The following ADAM29 variants were observed in gnomAD, a reference collection of about 807,000 sequenced individuals.
The protein encoded by ADAM29 is disintegrin and metalloproteinase domain-containing protein 29.
For missense variants in ADAM29, 969 were observed against 1,001.8 expected (o/e 0.97, Z 0.44); for synonymous variants, 367 against 342.3 (o/e 1.07, Z -0.80).
intron 4 of ADAM29, among the ~76,000 whole-genome samples, chr4:174,967,270 G>T (rs1237965070): frequency 6.6e-6 from 1 of 151,892 alleles, no homozygotes; most frequent in East Asian, 1.9e-4. Context: ...ATGTAAACTT[G>T]TTCATCTCAA....
At chr4:174,943,556 A>G (rs1218606104) in intron 4 of ADAM29, among the ~76,000 whole-genome samples, 1 of 152,118 alleles carries the variant, frequency 6.6e-6, no homozygotes, top group Admixed American at 6.6e-5. Context: ...TCCATCAACC[A>G]TCAGGTCTCT....
rs1746980605 is a variant in ADAM29, at chr4:174,977,866, G to T, written c.2341G>T (p.Val781Leu). The T allele has an allele frequency of 6.3e-7, 1 of 1,586,898 alleles. No individual in the cohort carries two copies. The highest frequency in any genetic ancestry group is 8.6e-7 in the Non-Finnish European group (1 of 1,165,600). Reference protein sequence around the residue: ...RVMPSQSQPPVMPSQSHPQLT... With the variant: ...RVMPSQSQPPLMPSQSHPQLT... ...GATGCCTTCTCAGAGTCAACCTCCTGTGATGCCTTCCCAGAGTCATCCTCA... is the reference window on the plus strand; with the variant it reads ...GATGCCTTCTCAGAGTCAACCTCCTTTGATGCCTTCCCAGAGTCATCCTCA... Residue 781 changes from valine to leucine, a missense_variant, in exon 5 of 5, where the codon GTG (valine) becomes TTG (leucine). Transcript: ENST00000359240.
chr4:174,961,951 T>G (rs897948168), intron 4 of ADAM29, among the ~76,000 whole-genome samples: 3 of 152,224 alleles, frequency 2.0e-5, no homozygotes, highest in African/African-American at 7.2e-5. Flanking sequence ...TGTTCTGTAT[T>G]TTTTCTTTCT....
intron 4 of ADAM29, among the ~76,000 whole-genome samples, chr4:174,961,897 T>A (rs1406810952): frequency 6.6e-6 from 1 of 152,190 alleles, no homozygotes; most frequent in Non-Finnish European, 1.5e-5. Flanking sequence ...ACACTTTCTG[T>A]CTTTAAGAAT....
At chr4:174,957,480 T>G (rs1394575275) in intron 4 of ADAM29, among the ~76,000 whole-genome samples, 1 of 151,812 alleles carries the variant, frequency 6.6e-6, no homozygotes, top group African/African-American at 2.4e-5. Flanking sequence ...GCCCTAAAAC[T>G]TACCATTTCA....
chr4:174,970,820 G>A (rs765912335), intron 4 of ADAM29, among the ~76,000 whole-genome samples: 1 of 152,090 alleles, frequency 6.6e-6, no homozygotes, highest in Non-Finnish European at 1.5e-5. Flanking sequence ...TGTGGCATCT[G>A]TAGTAATGTT....
Position 174,925,796 on chromosome 4 carries a change from G to T in ADAM29, c.-451+5004G>T, listed in dbSNP as rs562601068. On this transcript the variant is annotated intron_variant, in intron 2 of 4. Coordinates refer to ENST00000359240, the MANE Select transcript of ADAM29 (RefSeq NM_014269.4). ...CCAGACAGAAGATAAAATGCTAGAT[G>T]AAAATTGATGATAATAATTGCTTGA... is the stretch of plus-strand genomic sequence containing the variant. Among the ~76,000 whole-genome samples the T allele has an allele frequency of 2.0e-5, 3 of 152,324 alleles. No homozygotes were observed. In the South Asian group the frequency reaches 6.2e-4, roughly 32 times the overall value.
intron 4 of ADAM29, among the ~76,000 whole-genome samples, chr4:174,955,017 TAAATGAAA>T (rs1745417990): frequency 6.6e-6 from 1 of 152,132 alleles, no homozygotes; most frequent in African/African-American, 2.4e-5. Flanking sequence ...ATAAAGATTT[TAAATGAAA>T]AAATAAACAG....
At chr4:174,949,917 T>C (rs1264630438) in intron 4 of ADAM29, among the ~76,000 whole-genome samples, 3 of 152,192 alleles carry the variant, frequency 2.0e-5, no homozygotes, top group Non-Finnish European at 4.4e-5. Context: ...AAAATCCTTG[T>C]CTATGGATTA....
chr4:174,965,376 C>G (rs1193877631), intron 4 of ADAM29, among the ~76,000 whole-genome samples: 1 of 152,050 alleles, frequency 6.6e-6, no homozygotes, highest in Non-Finnish European at 1.5e-5. Flanking sequence ...AGGTCTACCC[C>G]CATGATCTGA....
intron 2 of ADAM29, among the ~76,000 whole-genome samples, chr4:174,921,644 T>C (rs1023576168): frequency 6.6e-6 from 1 of 152,180 alleles, no homozygotes; most frequent in Non-Finnish European, 1.5e-5. Context: ...CACATATATT[T>C]TGATCCATCA....
intron 4 of ADAM29, among the ~76,000 whole-genome samples, chr4:174,968,617 T>C (rs879745906): frequency 6.6e-6 from 1 of 152,230 alleles, no homozygotes; most frequent in Non-Finnish European, 1.5e-5. Flanking sequence ...ATTCATGTCA[T>C]GTTCTATTCT....
intron 4 of ADAM29, among the ~76,000 whole-genome samples, chr4:174,949,214 C>T (rs1402857093): frequency 1.3e-5 from 2 of 152,062 alleles, no homozygotes; most frequent in African/African-American, 2.4e-5. Context: ...ATCCCATGGG[C>T]GTGACTGCTC....
chr4:174,922,945 A>G (rs1743250189), intron 2 of ADAM29, among the ~76,000 whole-genome samples: 1 of 152,170 alleles, frequency 6.6e-6, no homozygotes, highest in African/African-American at 2.4e-5. Flanking sequence ...TTACACATCA[A>G]CCCAAAAGAA....
intron 4 of ADAM29, among the ~76,000 whole-genome samples, chr4:174,966,441 C>T (rs1746164614): frequency 6.6e-6 from 1 of 152,090 alleles, no homozygotes; most frequent in African/African-American, 2.4e-5. Context: ...ATCCCTCCAG[C>T]TATGAAACTG....
intron 4 of ADAM29, among the ~76,000 whole-genome samples, chr4:174,954,939 T>A (rs1225041700): frequency 6.6e-6 from 1 of 152,196 alleles, no homozygotes; most frequent in Admixed American, 6.5e-5. Flanking sequence ...GTCATTTTTA[T>A]AATCACTTAA....
rs544235979 is a variant in ADAM29, at chr4:174,958,184, C to T, written c.-180-17162C>T. ...AATTTGATAAAATGGATCAATACTG[C>T]TCTTCATTTCAACCATATCCTTGTT... On this transcript the variant is annotated intron_variant, in intron 4 of 4. Coordinates refer to ENST00000359240, the MANE Select transcript of ADAM29 (RefSeq NM_014269.4). 1.8e-4 allele frequency among the ~76,000 whole-genome samples: 28 copies of T among 151,606 alleles called. No homozygotes were observed. In the South Asian group the frequency reaches 5.6e-3, roughly 30 times the overall value.
At chr4:174,972,195 T>G (rs1014852997) in intron 4 of ADAM29, among the ~76,000 whole-genome samples, 1 of 152,224 alleles carries the variant, frequency 6.6e-6, no homozygotes, top group African/African-American at 2.4e-5. Flanking sequence ...TTCTGAAGAT[T>G]TATCTCTTCT....
intron 4 of ADAM29, among the ~76,000 whole-genome samples, chr4:174,945,840 C>G (rs2110993774): frequency 6.6e-6 from 1 of 152,118 alleles, no homozygotes; most frequent in South Asian, 2.1e-4. Flanking sequence ...TGTTCCATTT[C>G]TTTAATCTAT....
Sources: gnomAD v4.1 joint callset for allele counts (sites outside exome capture counted in the v4.1 genomes callset) on GRCh38, gnomAD v4.1.1 for gene constraint, MANE v1.5 for transcripts, NCBI Gene and HGNC (gene_info 2026-07-23, HGNC 2026-07-21) for gene names.